The following TATDN2 variants were observed in gnomAD, a reference collection of about 807,000 sequenced individuals.
TATDN2 encodes the protein TatD DNase domain containing 2.
A neutral mutation model predicts 60.3 loss-of-function variants in TATDN2; 44 were observed. The ratio of observed to expected loss-of-function variants is 0.73; its 90% CI spans 0.57 to 0.94. TATDN2 has a LOEUF of 0.94. Among genes scored for constraint, TATDN2 ranks in the 40% least tolerant of loss-of-function variants. The probability of loss-of-function intolerance (pLI) is 0.00; values close to 1 mark genes in which losing one functional copy is unlikely to be tolerated. For synonymous variants in TATDN2, 399 were observed against 355.8 expected (o/e 1.12, Z -1.37); for missense variants, 997 against 948.0 (o/e 1.05, Z -0.68).
intron 5 of TATDN2, among the ~76,000 whole-genome samples, chr3:10,276,804 G>C (rs1231797182): frequency 1.3e-5 from 2 of 152,180 alleles, no homozygotes; most frequent in Non-Finnish European, 2.9e-5. Context: ...GGCCAGGCTG[G>C]TCCCGAACTC....
rs191028885 is a variant in TATDN2, at chr3:10,275,166, A to G, written c.1834-1195A>G. Reference sequence around the variant, plus strand: ...ACACCCAGCTAATTTTTGTATTTTTAGTAGAGACAGGGTTTCACCATGTTG... The same window carrying G: ...ACACCCAGCTAATTTTTGTATTTTTGGTAGAGACAGGGTTTCACCATGTTG... On this transcript the variant is annotated intron_variant, in intron 4 of 7. Transcript: ENST00000448281. 4.3e-3 allele frequency among the ~76,000 whole-genome samples: 654 copies of G among 152,008 alleles called. 5 individuals are homozygous for G. The highest frequency in any genetic ancestry group is 7.5e-3 in the Non-Finnish European group (507 of 67,958).
At chr3:10,255,934 CTG>C (rs549603196) in intron 2 of TATDN2, among the ~76,000 whole-genome samples, 57 of 152,184 alleles carry the variant, frequency 3.7e-4, no homozygotes, top group Non-Finnish European at 7.6e-4. Context: ...CAGAGTGAGA[CTG>C]TCTCAGAAAA....
At chr3:10,272,455 T>A (rs74811124) in intron 4 of TATDN2, among the ~76,000 whole-genome samples, 2 of 139,526 alleles carry the variant, frequency 1.4e-5, no homozygotes, top group South Asian at 2.3e-4. Context: ...TTTTTTTTTT[T>A]AAGGCAGAGT....
At position 10,278,591 on chromosome 3, in the gene TATDN2, C is replaced by T. The variant is rs1698672600; in HGVS notation, c.2145+129C>T. 9 of 1,283,730 alleles carry T rather than the reference C, an allele frequency of 7.0e-6. No individual in the cohort carries two copies. The highest frequency in any genetic ancestry group is 1.7e-5 in the Admixed American group (1 of 57,812). The allele number at this position is 1,283,730 out of a possible 1,614,324, so 79.5% of individuals were successfully genotyped here. On this transcript the variant is annotated intron_variant, in intron 6 of 7. Transcript: ENST00000448281. This position sits in a 1 kb window ranked among gnomAD's most constrained non-coding sequence, Gnocchi z 4.7. ...GGTCCCATCCTGGGCTGTGTAGATG[C>T]CTCCTTGCTGTTACTCTGCAGAACC...
chr3:10,249,591 G>C lies in TATDN2; in HGVS notation c.391G>C (p.Glu131Gln). Residue 131 changes from glutamate to glutamine, a missense_variant, in exon 2 of 8, where the codon GAG becomes CAG. Transcript: ENST00000448281. ...NASLEEMASL[E>Q]EEACSLKVDS... ...CTCTTTGGAAGAAATGGCTTCTCTA[G>C]AGGAGGAAGCCTGCAGCCTTAAGGT... 1 of 1,527,970 alleles carries C rather than the reference G, an allele frequency of 6.5e-7. No individual in the cohort carries two copies. The highest frequency in any genetic ancestry group is 1.3e-5 in the South Asian group (1 of 77,210). The allele number at this position is 1,527,970 out of a possible 1,614,324, so 94.7% of individuals were successfully genotyped here.
At chr3:10,272,302 C>T (rs959312386) in intron 4 of TATDN2, among the ~76,000 whole-genome samples, 1 of 151,838 alleles carries the variant, frequency 6.6e-6, no homozygotes, top group Non-Finnish European at 1.5e-5. Context: ...GAGATGGAGT[C>T]TTGCTGTGTC....
In TATDN2 at chr3:10,271,571, T is replaced by C. The variant is rs9814882; in HGVS notation, c.1833+556T>C. On this transcript the variant is annotated intron_variant, in intron 4 of 7. Transcript: ENST00000448281. ...CACCCGCCTTGGCCTCCGAAAGTGC[T>C]GTGATTACAGGCATGAGCCACTGCG... Among the ~76,000 whole-genome samples, 919 of 152,278 alleles carry C rather than the reference T, an allele frequency of 6.0e-3. 12 individuals carry two copies. Among genetic ancestry groups the C allele is most frequent in the African/African-American group, 0.021 (854 of 41,546 alleles).
intron 3 of TATDN2, among the ~76,000 whole-genome samples, chr3:10,269,039 G>A (rs550554741): frequency 1.3e-5 from 2 of 152,326 alleles, no homozygotes; most frequent in Non-Finnish European, 2.9e-5. Context: ...TTTGGCGAGG[G>A]CTGTCGTCAT....
intron 2 of TATDN2, among the ~76,000 whole-genome samples, chr3:10,252,611 G>C (rs1234985920): frequency 1.3e-5 from 2 of 152,024 alleles, no homozygotes; most frequent in Non-Finnish European, 2.9e-5. Context: ...AAGCACAGCC[G>C]AGGGGTACTC....
chr3:10,275,518 C>T (rs534368373), intron 4 of TATDN2, among the ~76,000 whole-genome samples: 4 of 152,200 alleles, frequency 2.6e-5, no homozygotes, highest in East Asian at 1.9e-4. Context: ...GAGGCTGAGG[C>T]GGGCAGATCA....
chr3:10,249,763 C>T, intron 2 of TATDN2, 149 bp downstream of exon 2: 2 of 970,506 alleles, frequency 2.1e-6, no homozygotes, highest in Non-Finnish European at 2.8e-6. Context: ...CCCCCAAACT[C>T]GAAGACCTAG....
In TATDN2 at chr3:10,278,801, C is replaced by T; in HGVS notation, c.2146-84C>T. ...CAGGGCAGCCCCAAAGAGGTCCTTG[C>T]TGGGGAAGGGACAGGGAGGGAGTTC... On this transcript the variant is annotated intron_variant, in intron 6 of 7. Coordinates refer to ENST00000448281, the MANE Select transcript of TATDN2 (RefSeq NM_014760.4). This position sits in a 1 kb window ranked among gnomAD's most constrained non-coding sequence, Gnocchi z 4.7. 13 of 1,598,726 alleles carry T rather than the reference C, an allele frequency of 8.1e-6. No individual in the cohort carries two copies. The highest frequency in any genetic ancestry group is 1.1e-5 in the Non-Finnish European group (13 of 1,171,428).
At chr3:10,263,403 TTC>T (rs1399280397) in intron 3 of TATDN2, among the ~76,000 whole-genome samples, 1 of 152,036 alleles carries the variant, frequency 6.6e-6, no homozygotes, top group Non-Finnish European at 1.5e-5. Flanking sequence ...TCTTCTCTCT[TTC>T]TCTCTCTAGC....
chr3:10,260,485 G>C lies in TATDN2; in HGVS notation c.763G>C (p.Glu255Gln). 6.2e-7 allele frequency: 1 copy of C among 1,614,046 alleles called. No homozygotes were observed. Among genetic ancestry groups the C allele is most frequent in the Non-Finnish European group, 8.5e-7 (1 of 1,179,922 alleles). The change falls in exon 3 of 8, where the codon GAG becomes CAG. Residue 255 changes from glutamate to glutamine, a missense_variant. Coordinates refer to ENST00000448281, the MANE Select transcript of TATDN2 (RefSeq NM_014760.4). The stretch of plus-strand genomic sequence containing the variant: ...TCAGAAGGAGAAAGACGCAACCCCA[G>C]AGGTCAGCATGGAGGAGGATAAGAC... The part of the protein sequence containing the change: ...AAQKEKDATP[E>Q]VSMEEDKTVP...
chr3:10,258,434 C>T (rs1039671586), intron 2 of TATDN2, among the ~76,000 whole-genome samples: 8 of 151,802 alleles, frequency 5.3e-5, no homozygotes, highest in African/African-American at 1.7e-4. Context: ...TGTGCCACCA[C>T]GCCTGGCTAA....
At chr3:10,275,660 C>T (rs1191598177) in intron 4 of TATDN2, among the ~76,000 whole-genome samples, 10 of 152,174 alleles carry the variant, frequency 6.6e-5, no homozygotes, top group Non-Finnish European at 2.9e-5. Flanking sequence ...GCAGGAGAAT[C>T]GCTTGAACCC....
Position 10,278,523 on chromosome 3 carries a change from C to A in TATDN2, c.2145+61C>A. ...GGGAGAGGGTGGGGAGGTGGGTGGT[C>A]ACCCTTACAAGGTTGGCAGGGCCAG... On this transcript the variant is annotated intron_variant, in intron 6 of 7. Transcript: ENST00000448281. The surrounding 1 kb of genome is among the most constrained non-coding windows in gnomAD (Gnocchi z 4.7). 6.3e-7 allele frequency: 1 copy of A among 1,594,834 alleles called. No individual in the cohort carries two copies. The highest frequency in any genetic ancestry group is 8.6e-7 in the Non-Finnish European group (1 of 1,166,510).
At chr3:10,256,272 C>T (rs993877245) in intron 2 of TATDN2, among the ~76,000 whole-genome samples, 2 of 152,106 alleles carry the variant, frequency 1.3e-5, no homozygotes, top group African/African-American at 2.4e-5. Flanking sequence ...CTTCCACACT[C>T]AAGCAATCCT....
intron 3 of TATDN2, among the ~76,000 whole-genome samples, chr3:10,268,013 C>T (rs756934562): frequency 2.6e-5 from 4 of 152,148 alleles, no homozygotes; most frequent in Non-Finnish European, 4.4e-5. Context: ...GGATTGTTCT[C>T]CCTTATAGAT....
Sources: gnomAD v4.1 joint callset for allele counts (sites outside exome capture counted in the v4.1 genomes callset) on GRCh38, gnomAD v4.1.1 for gene constraint, Gnocchi (gnomAD v3.1) non-coding constraint, MANE v1.5 for transcripts, NCBI Gene and HGNC (gene_info 2026-07-23, HGNC 2026-07-21) for gene names.